The following ELMO1 variants were observed in gnomAD, a reference collection of about 807,000 sequenced individuals.
ELMO1 encodes engulfment and cell motility protein 1.
ELMO1 carries 26 observed loss-of-function variants against 98.9 expected under a neutral mutation model. The observed-to-expected ratio is 0.26, with a 90% CI of 0.19 to 0.36. The LOEUF (loss-of-function observed/expected upper bound fraction) is 0.36, where lower values mean the gene tolerates loss of function less well. ELMO1 is among the 10% of genes least tolerant of loss of function. The probability of loss-of-function intolerance (pLI) is 1.00; values close to 1 mark genes in which losing one functional copy is unlikely to be tolerated. For synonymous variants in ELMO1, 346 were observed against 346.0 expected (o/e 1.00, Z 0.00); for missense variants, 627 against 935.2 (o/e 0.67, Z 4.30).
At chr7:37,038,416 C>T (rs1193633968) in intron 15 of ELMO1, among the ~76,000 whole-genome samples, 1 of 152,200 alleles carries the variant, frequency 6.6e-6, no homozygotes, top group Non-Finnish European at 1.5e-5. Flanking sequence ...AACTGTTTCT[C>T]TTATTTTAAT....
chr7:37,017,373 A>C (rs1210904489), intron 15 of ELMO1, among the ~76,000 whole-genome samples: 2 of 152,232 alleles, frequency 1.3e-5, no homozygotes, highest in Non-Finnish European at 2.9e-5. Flanking sequence ...AAAGCTCACC[A>C]GCTGGGTTTC....
intron 13 of ELMO1, among the ~76,000 whole-genome samples, chr7:37,171,157 G>A (rs1253986123): frequency 6.6e-6 from 1 of 152,020 alleles, no homozygotes. Context: ...ATGTTTATAA[G>A]ACTGTTAAAT....
At chr7:37,148,250 A>G (rs1379461717) in intron 13 of ELMO1, among the ~76,000 whole-genome samples, 1 of 152,228 alleles carries the variant, frequency 6.6e-6, no homozygotes, top group East Asian at 1.9e-4. Flanking sequence ...AGTAACTTCT[A>G]TTTCAGAAGT....
chr7:37,167,563 GT>G (rs1211029925), intron 13 of ELMO1, among the ~76,000 whole-genome samples: 3 of 150,574 alleles, frequency 2.0e-5, no homozygotes, highest in African/African-American at 7.3e-5. Flanking sequence ...GCATTTGCTT[GT>G]CTGTAAAGTA....
chr7:36,923,048 T>G (rs1222540724), intron 16 of ELMO1, among the ~76,000 whole-genome samples: 1 of 152,130 alleles, frequency 6.6e-6, no homozygotes, highest in African/African-American at 2.4e-5. Flanking sequence ...AAGCTGTCAC[T>G]CCCTCCAGTA....
Position 37,395,126 on chromosome 7 carries a change from G to A in ELMO1, c.-73-52363C>T, listed in dbSNP as rs184047335. ...CATGCCTGTAATCCCAGCACTATGG[G>A]AGGCCGAGGCAGGCAGATCACCTGA... On this transcript the variant is annotated intron_variant, in intron 1 of 21. Coordinates refer to ENST00000310758, the MANE Select transcript of ELMO1 (RefSeq NM_014800.11). Among the ~76,000 whole-genome samples the A allele has an allele frequency of 1.3e-3, 203 of 152,196 alleles. 2 individuals carry two copies. Among genetic ancestry groups the A allele is most frequent in the African/African-American group, 4.6e-3 (190 of 41,508 alleles).
chr7:37,155,004 A>G (rs900244907), intron 13 of ELMO1, among the ~76,000 whole-genome samples: 2 of 152,214 alleles, frequency 1.3e-5, no homozygotes, highest in African/African-American at 4.8e-5. Flanking sequence ...GTAGGGGCCA[A>G]TATTCAACAT....
intron 18 of ELMO1, among the ~76,000 whole-genome samples, chr7:36,880,160 G>C (rs2129046262): frequency 6.6e-6 from 1 of 152,350 alleles, no homozygotes. Flanking sequence ...ACGTTTGGCT[G>C]TGTGAGCGAC....
chr7:37,079,885 C>T (rs12701544), intron 15 of ELMO1, among the ~76,000 whole-genome samples: 5,919 of 152,260 alleles, frequency 0.039, 146 homozygotes, highest in Middle Eastern at 0.085. Flanking sequence ...TAACTATTAT[C>T]TATATACTGT....
At chr7:37,268,374 T>C (rs989665249) in intron 5 of ELMO1, among the ~76,000 whole-genome samples, 4 of 152,200 alleles carry the variant, frequency 2.6e-5, no homozygotes, top group African/African-American at 9.7e-5. Context: ...TGATCTCAGC[T>C]CACTGTAACC....
At chr7:37,144,042 C>G (rs540203961) in intron 13 of ELMO1, among the ~76,000 whole-genome samples, 6 of 152,014 alleles carry the variant, frequency 3.9e-5, no homozygotes, top group Non-Finnish European at 7.4e-5. Context: ...AATTTCTCCA[C>G]CCCCTCAGAC....
At chr7:37,251,165 T>A (rs1044720719) in intron 6 of ELMO1, among the ~76,000 whole-genome samples, 1 of 152,188 alleles carries the variant, frequency 6.6e-6, no homozygotes, top group Non-Finnish European at 1.5e-5. Flanking sequence ...CAATTTTCCT[T>A]CTTTCAAATA....
At chr7:37,039,758 G>A (rs755904317) in intron 15 of ELMO1, among the ~76,000 whole-genome samples, 28 of 151,982 alleles carry the variant, frequency 1.8e-4, no homozygotes, top group Admixed American at 3.9e-4. Flanking sequence ...AAATTCACAC[G>A]GTTTATTTAG....
At chr7:37,004,065 TA>T (rs965942752) in intron 16 of ELMO1, among the ~76,000 whole-genome samples, 2 of 140,404 alleles carry the variant, frequency 1.4e-5, no homozygotes. Flanking sequence ...ACAAGATAAA[TA>T]TTTTTTTTAA....
intron 4 of ELMO1, among the ~76,000 whole-genome samples, chr7:37,313,991 C>T (rs1012037252): frequency 6.6e-6 from 1 of 152,200 alleles, no homozygotes; most frequent in African/African-American, 2.4e-5. Context: ...AAAACTGGCT[C>T]ATATGCATTT....
chr7:37,046,917 C>T (rs75166739), intron 15 of ELMO1, among the ~76,000 whole-genome samples: 2 of 152,218 alleles, frequency 1.3e-5, no homozygotes, highest in Admixed American at 1.3e-4. Flanking sequence ...CTGGGAGACA[C>T]TGGAACAACT....
At chr7:36,963,022 G>A (rs901127146) in intron 16 of ELMO1, among the ~76,000 whole-genome samples, 25 of 152,194 alleles carry the variant, frequency 1.6e-4, no homozygotes, top group African/African-American at 6.0e-4. Context: ...CAACCTATGT[G>A]TCAACTCTAG....
chr7:36,915,214 A>C (rs1784606934), intron 16 of ELMO1, among the ~76,000 whole-genome samples: 1 of 152,226 alleles, frequency 6.6e-6, no homozygotes, highest in Non-Finnish European at 1.5e-5. Context: ...TACAGGCTCA[A>C]GTCACTGTGC....
chr7:37,387,685 T>C (rs1377654647), intron 1 of ELMO1, among the ~76,000 whole-genome samples: 2 of 152,170 alleles, frequency 1.3e-5, no homozygotes, highest in African/African-American at 4.8e-5. Context: ...AGGAACTTAC[T>C]CCTGTGGGAA....
Sources: gnomAD v4.1 joint callset for allele counts (sites outside exome capture counted in the v4.1 genomes callset) on GRCh38, gnomAD v4.1.1 for gene constraint, MANE v1.5 for transcripts, NCBI Gene and HGNC (gene_info 2026-07-23, HGNC 2026-07-21) for gene names.